The following KIF26B variants were observed in gnomAD, a reference collection of about 807,000 sequenced individuals.
KIF26B encodes the protein kinesin family member 26B.
KIF26B carries 63 observed loss-of-function variants against 151.2 expected under a neutral mutation model. That is an observed-to-expected ratio of 0.42 (90% confidence interval 0.34 to 0.51). KIF26B has a LOEUF of 0.51. Among genes scored for constraint, KIF26B ranks in the 20% least tolerant of loss-of-function variants. The probability of loss-of-function intolerance (pLI) is 0.07; values close to 1 mark genes in which losing one functional copy is unlikely to be tolerated. For synonymous variants in KIF26B, 1,357 were observed against 1,262.1 expected (o/e 1.08, Z -1.59); for missense variants, 2,813 against 2,913.6 (o/e 0.97, Z 0.79).
At chr1:245,209,571 G>A (rs1177837960) in intron 2 of KIF26B, among the ~76,000 whole-genome samples, 2 of 152,162 alleles carry the variant, frequency 1.3e-5, no homozygotes, top group Non-Finnish European at 2.9e-5. Context: ...ATAGAGAGAG[G>A]TGTTTCTTTT....
chr1:245,685,319 G>A, intron 11 of KIF26B, 86 bp from the exon 12 acceptor site: 1 of 1,142,738 alleles, frequency 8.8e-7, no homozygotes, highest in Non-Finnish European at 1.2e-6. Flanking sequence ...TGTCGTCAGG[G>A]GCCTTCACCA....
At position 245,708,746 on chromosome 1, in the gene KIF26B, A is replaced by G. The variant is rs2147977427; in HGVS notation, c.*6140A>G. On this transcript the variant is annotated 3_prime_UTR_variant, in exon 15 of 15. Coordinates refer to ENST00000407071, the MANE Select transcript of KIF26B (RefSeq NM_018012.4). ...CCAGAACTCAGTTTTCTAACCTATA[A>G]AATGAAGACATTGTGCTAGATGATC... The G allele has an allele frequency of 6.6e-6, 1 of 152,332 alleles. No homozygotes were observed. The highest frequency in any genetic ancestry group is 1.5e-5 in the Non-Finnish European group (1 of 68,032). The allele number at this position is 152,332 out of a possible 1,614,324, so 9.4% of individuals were successfully genotyped here. A position where few individuals can be genotyped will look rare whatever the true frequency, so the allele number is the denominator to read the frequency against.
chr1:245,393,874 A>G (rs1002032114), intron 3 of KIF26B, among the ~76,000 whole-genome samples: 1 of 152,204 alleles, frequency 6.6e-6, no homozygotes. Flanking sequence ...ATTCTCTCCA[A>G]GAACAAACCT....
Position 245,679,457 on chromosome 1 carries a change from G to GTTTTTTTTTTTTTTT in KIF26B, c.2259-4761_2259-4747dup, listed in dbSNP as rs35663208. The stretch of plus-strand genomic sequence containing the variant: ...GGTTTTTTGTGTTTTTTTTGTGTGT[G>GTTTTTTTTTTTTTTT]TTTTTTTTTTTTTTTTTTTTTTTTT... On this transcript the variant is annotated intron_variant, in intron 10 of 14. Coordinates refer to ENST00000407071, the MANE Select transcript of KIF26B (RefSeq NM_018012.4). 1.0e-4 allele frequency among the ~76,000 whole-genome samples: 6 copies of GTTTTTTTTTTTTTTT among 59,210 alleles called. 1 individual carries two copies. Among genetic ancestry groups the GTTTTTTTTTTTTTTT allele is most frequent in the Non-Finnish European group, 1.3e-4 (4 of 31,300 alleles). The allele number at this position is 59,210 out of a possible 152,430, so 38.8% of individuals were successfully genotyped here. A position where few individuals can be genotyped will look rare whatever the true frequency, so the allele number is the denominator to read the frequency against.
In KIF26B at chr1:245,367,244, C is replaced by T. The variant is rs200520003; in HGVS notation, c.876C>T (p.Leu292=). 1.5e-3 allele frequency: 2,406 copies of T among 1,608,092 alleles called. 7 individuals are homozygous for T. Among genetic ancestry groups the T allele is most frequent in the Admixed American group, 1.9e-3 (114 of 59,164 alleles). ...GSPTHQAKVS[L]QMATSPSNGN... The stretch of plus-strand genomic sequence containing the variant: ...CAACCCACCAGGCCAAGGTCAGCCT[C>T]CAGATGGCCACCAGTCCAAGCAATG... Residue 292 remains leucine (L), a synonymous_variant, in exon 3 of 15, where the codon CTC becomes CTT. Transcript: ENST00000407071. This position sits in a 1 kb window ranked among gnomAD's most constrained non-coding sequence, Gnocchi z 4.2.
chr1:245,489,127 G>A (rs1209863252), intron 4 of KIF26B, among the ~76,000 whole-genome samples: 1 of 152,198 alleles, frequency 6.6e-6, no homozygotes, highest in Non-Finnish European at 1.5e-5. Flanking sequence ...TCTTCACTGA[G>A]AATCTAGGTA....
At chr1:245,273,544 A>G (rs1037077822) in intron 2 of KIF26B, among the ~76,000 whole-genome samples, 3 of 151,494 alleles carry the variant, frequency 2.0e-5, no homozygotes, top group Non-Finnish European at 4.4e-5. Context: ...TGGGTCTCTG[A>G]TGTTGGCTAC....
intron 2 of KIF26B, among the ~76,000 whole-genome samples, chr1:245,345,347 A>G (rs1003344310): frequency 1.3e-5 from 2 of 152,096 alleles, no homozygotes; most frequent in Admixed American, 1.3e-4. Flanking sequence ...TCTGGGAAAC[A>G]TCAGATCTAA....
intron 2 of KIF26B, among the ~76,000 whole-genome samples, chr1:245,236,567 T>C (rs1250646558): frequency 1.3e-5 from 2 of 152,212 alleles, no homozygotes; most frequent in Non-Finnish European, 2.9e-5. Flanking sequence ...ATGTTAGCAA[T>C]GCTATGAATA....
intron 9 of KIF26B, among the ~76,000 whole-genome samples, chr1:245,620,016 G>T (rs1460062339): frequency 6.6e-6 from 1 of 152,082 alleles, no homozygotes; most frequent in African/African-American, 2.4e-5. Flanking sequence ...CACGTAAGCA[G>T]ATGGTATTAG....
Position 245,554,111 on chromosome 1 carries a change from C to CCT in KIF26B, c.1350+13162_1350+13163dup, listed in dbSNP as rs539502412. 1.1e-3 allele frequency among the ~76,000 whole-genome samples: 162 copies of CCT among 152,246 alleles called. 1 individual carries two copies. The South Asian group carries it at 0.032, about 30-fold the overall frequency. On this transcript the variant is annotated intron_variant, in intron 5 of 14. Transcript: ENST00000407071. ...CCCACCCCTGTCCCCTACTGAGCCC[C>CCT]CTTTTCTCCGTGTTTTGTATCATGT...
At chr1:245,156,795 C>T (rs1302983906) in intron 2 of KIF26B, 112 bp downstream of exon 2, 4 of 604,022 alleles carry the variant, frequency 6.6e-6, no homozygotes, top group Admixed American at 4.5e-5. Flanking sequence ...CACGCGAGAG[C>T]CCCCGGCGGC....
At chr1:245,257,357 G>C (rs975860573) in intron 2 of KIF26B, among the ~76,000 whole-genome samples, 2 of 152,158 alleles carry the variant, frequency 1.3e-5, no homozygotes, top group South Asian at 4.1e-4. Context: ...CACAGGCCAC[G>C]GTCACTCATA....
intron 2 of KIF26B, among the ~76,000 whole-genome samples, chr1:245,303,497 C>T (rs1019118612): frequency 6.6e-6 from 1 of 150,938 alleles, no homozygotes; most frequent in Non-Finnish European, 1.5e-5. Context: ...CGCGCCCGGC[C>T]CTAAATGTTC....
In KIF26B at chr1:245,465,041, C is replaced by G. The variant is rs1167782669; in HGVS notation, c.1166+45296C>G. ...TCGCCCAGGCTGGAGTGCAGGGGCG[C>G]GATCTCGGCTCACTGCAAGCTCCGC... On this transcript the variant is annotated intron_variant, in intron 4 of 14. Transcript: ENST00000407071. Among the ~76,000 whole-genome samples, 60 of 141,524 alleles carry G rather than the reference C, an allele frequency of 4.2e-4. 2 individuals carry two copies. Among genetic ancestry groups the G allele is most frequent in the African/African-American group, 1.2e-3 (45 of 37,656 alleles). The allele number at this position is 141,524 out of a possible 152,430, so 92.8% of individuals were successfully genotyped here.
At chr1:245,248,543 C>A (rs573821745) in intron 2 of KIF26B, among the ~76,000 whole-genome samples, 1 of 152,232 alleles carries the variant, frequency 6.6e-6, no homozygotes, top group Non-Finnish European at 1.5e-5. Flanking sequence ...CACAGACACT[C>A]TCTTGCTTTT....
chr1:245,416,354 A>G (rs1163315727), intron 3 of KIF26B, among the ~76,000 whole-genome samples: 1 of 152,128 alleles, frequency 6.6e-6, no homozygotes, highest in African/African-American at 2.4e-5. Context: ...ACTCTTACTT[A>G]AAAGACTTAA....
At chr1:245,562,595 C>CT (rs1200948361) in intron 5 of KIF26B, among the ~76,000 whole-genome samples, 4 of 150,782 alleles carry the variant, frequency 2.7e-5, no homozygotes, top group African/African-American at 9.7e-5. Flanking sequence ...CCCGCCCCCC[C>CT]CTTCCCCCAT....
At chr1:245,457,555 T>C (rs1659563216) in intron 4 of KIF26B, among the ~76,000 whole-genome samples, 1 of 152,226 alleles carries the variant, frequency 6.6e-6, no homozygotes, top group Non-Finnish European at 1.5e-5. Context: ...GACAGAACAG[T>C]TGACACCTCT....
Sources: allele counts gnomAD v4.1 joint callset (sites outside exome capture counted in the v4.1 genomes callset), GRCh38; gene constraint gnomAD v4.1.1; non-coding constraint Gnocchi (gnomAD v3.1); transcripts MANE v1.5; gene names NCBI Gene and HGNC (gene_info 2026-07-23, HGNC 2026-07-21).